TBC1D24: variants seen among roughly 807,000 people sequenced by gnomAD.
TBC1D24 encodes Infantile myoclonic epilepsy.
In TBC1D24, 47 loss-of-function variants were observed where a neutral mutation model predicts 50.7. The observed-to-expected ratio is 0.93, with a 90% CI of 0.73 to 1.18. The LOEUF is 1.18. Ranked by LOEUF, TBC1D24 falls within the 50% of genes most tolerant of loss-of-function variation. The pLI is 0.00. For missense variants in TBC1D24, 688 were observed against 766.5 expected, an observed-to-expected ratio of 0.90 and a Z score of 1.21; for synonymous variants, 324 against 335.2, an observed-to-expected ratio of 0.97 and a Z score of 0.36.
intron 1 of TBC1D24, among the ~76,000 whole-genome samples, chr16:2,476,038 T>C (rs2065565435): frequency 1.3e-5 from 2 of 152,198 alleles, no homozygotes; most frequent in African/African-American, 4.8e-5. Flanking sequence ...TCACTGTCTT[T>C]ACCCAGCAGC....
chr16:2,483,194 G>C lies in TBC1D24; in HGVS notation c.-116+8024G>C, dbSNP rs1397627352. ...TCTTGGGGTAGAGTGGGTGGGACGG[G>C]GCAGCTGTGAGCTGGAGAGGAGAGG... On this transcript the variant is annotated intron_variant, in intron 1 of 7. Transcript: ENST00000646147. The surrounding 1 kb of genome is among the most constrained non-coding windows in gnomAD (Gnocchi z 4.0). 6.6e-6 allele frequency: 1 copy of C among 152,474 alleles called. No homozygotes were observed. Among genetic ancestry groups the C allele is most frequent in the Non-Finnish European group, 1.5e-5 (1 of 68,260 alleles). The allele number at this position is 152,474 out of a possible 1,614,324, so 9.4% of individuals were successfully genotyped here. A position where few individuals can be genotyped will look rare whatever the true frequency, so the allele number is the denominator to read the frequency against.
chr16:2,500,919 C>T lies in TBC1D24; in HGVS notation c.1641C>T (p.Ala547=), dbSNP rs553215090. 60 of 1,612,734 alleles carry T rather than the reference C, an allele frequency of 3.7e-5. No homozygotes were observed. The Admixed American group carries it at 8.0e-4, about 21-fold the overall frequency. ...PLCSENFLIA[A]VEAWGFQDPD... Reference sequence around the variant, plus strand: ...GCTCCGAGAACTTCCTCATTGCTGCCGTGGAGGCCTGGGGCTTCCAGGACC... The same window carrying T: ...GCTCCGAGAACTTCCTCATTGCTGCTGTGGAGGCCTGGGGCTTCCAGGACC... The change falls in exon 8 of 8, where the codon GCC becomes GCT. Residue 547 remains alanine (A), a synonymous_variant. Coordinates refer to ENST00000646147, the MANE Select transcript of TBC1D24 (RefSeq NM_001199107.2). The surrounding 1 kb of genome is among the most constrained non-coding windows in gnomAD (Gnocchi z 8.0).
rs1421865883 is a variant in TBC1D24, at chr16:2,503,177, CG to C, written c.*2221del. Reference sequence around the variant, plus strand: ...CTTCCAGTGATCTGGACCAGGAAGACGGATTGCTGCTGGGTCATGATTTCCA... The same window carrying C: ...CTTCCAGTGATCTGGACCAGGAAGACGATTGCTGCTGGGTCATGATTTCCA... On this transcript the variant is annotated 3_prime_UTR_variant, in exon 8 of 8. Coordinates refer to ENST00000646147, the MANE Select transcript of TBC1D24 (RefSeq NM_001199107.2). 3.9e-5 allele frequency: 6 copies of C among 152,242 alleles called. No homozygotes were observed. Among genetic ancestry groups the C allele is most frequent in the African/African-American group, 1.4e-4 (6 of 41,472 alleles). The allele number at this position is 152,242 out of a possible 1,614,324, so 9.4% of individuals were successfully genotyped here. A position where few individuals can be genotyped will look rare whatever the true frequency, so the allele number is the denominator to read the frequency against.
chr16:2,499,280 C>T lies in TBC1D24; in HGVS notation c.1143-77C>T. 7.3e-7 allele frequency: 1 copy of T among 1,361,038 alleles called. No individual in the cohort carries two copies. The highest frequency in any genetic ancestry group is 1.2e-5 in the South Asian group (1 of 81,972). The allele number at this position is 1,361,038 out of a possible 1,614,324, so 84.3% of individuals were successfully genotyped here. On this transcript the variant is annotated intron_variant, in intron 4 of 7. Coordinates refer to ENST00000646147, the MANE Select transcript of TBC1D24 (RefSeq NM_001199107.2). This position sits in a 1 kb window ranked among gnomAD's most constrained non-coding sequence, Gnocchi z 4.0. Reference sequence around the variant, plus strand: ...TTCCCAGGTCTTCGCCCCAAGACAGCTGGGGCCAGCGGAGGCTGCAGGAGG... The same window carrying T: ...TTCCCAGGTCTTCGCCCCAAGACAGTTGGGGCCAGCGGAGGCTGCAGGAGG...
intron 1 of TBC1D24, among the ~76,000 whole-genome samples, chr16:2,495,002 T>TCACACACACA (rs527454795): frequency 5.1e-5 from 7 of 138,052 alleles, no homozygotes; most frequent in African/African-American, 1.6e-4. Context: ...CAAGACCCCA[T>TCACACACACA]CACACACACA....
In TBC1D24 at chr16:2,497,740, CTG is replaced by C. The variant is rs1064794673; in HGVS notation, c.983+15_983+16del. The C allele has an allele frequency of 3.9e-6, 6 of 1,535,892 alleles. No homozygotes were observed. The Admixed American group carries it at 7.8e-5, about 20-fold the overall frequency. ...CACTTTCTAAAAGGTAGGTCTGAAA[CTG>C]TATCTGCACACCTGGCCTCTGTCTT... On this transcript the variant is annotated intron_variant, in intron 3 of 7. Transcript: ENST00000646147.
chr16:2,500,633 C>A lies in TBC1D24; in HGVS notation c.1525+143C>A. 1 of 1,292,624 alleles carries A rather than the reference C, an allele frequency of 7.7e-7. No homozygotes were observed. Among genetic ancestry groups the A allele is most frequent in the Non-Finnish European group, 1.1e-6 (1 of 950,028 alleles). The allele number at this position is 1,292,624 out of a possible 1,614,324, so 80.1% of individuals were successfully genotyped here. ...ACCAGGCATGATGGGTGGGAGGGGG[C>A]TGGAAGGGAGAGACCAGCCTGGACA... On this transcript the variant is annotated intron_variant, in intron 7 of 7. Coordinates refer to ENST00000646147, the MANE Select transcript of TBC1D24 (RefSeq NM_001199107.2). The surrounding 1 kb of genome is among the most constrained non-coding windows in gnomAD (Gnocchi z 8.0).
rs754558646 is a variant in TBC1D24 at position 2,501,001 on chromosome 16, C to CGAGG, written c.*44_*47dup. The CGAGG allele has an allele frequency of 1.5e-4, 241 of 1,602,058 alleles. No individual in the cohort carries two copies. Among genetic ancestry groups the CGAGG allele is most frequent in the Middle Eastern group, 3.3e-4 (2 of 6,074 alleles). The stretch of plus-strand genomic sequence containing the variant: ...ACTGAGCCGTGGTGGGGCGGTGGGC[C>CGAGG]GAGGCTGGGCTGCCGCCTCGGGCAG... On this transcript the variant is annotated 3_prime_UTR_variant, in exon 8 of 8. Transcript: ENST00000646147.
chr16:2,487,362 T>G lies in TBC1D24; in HGVS notation c.-115-8672T>G, dbSNP rs1886353276. ...GCAGGACGAGGGAGCCGCGGTCGTA[T>G]GCTGCCTCCTCACGTTTGCTGTGAC... On this transcript the variant is annotated intron_variant, in intron 1 of 7. Coordinates refer to ENST00000646147, the MANE Select transcript of TBC1D24 (RefSeq NM_001199107.2). This position sits in a 1 kb window ranked among gnomAD's most constrained non-coding sequence, Gnocchi z 4.1. Among the ~76,000 whole-genome samples the G allele has an allele frequency of 6.6e-6, 1 of 152,244 alleles. No homozygotes were observed. The highest frequency in any genetic ancestry group is 2.4e-5 in the African/African-American group (1 of 41,476).
In TBC1D24 at chr16:2,499,897, C is replaced by T. The variant is rs772874674; in HGVS notation, c.1269C>T (p.Gly423=). 1.2e-6 allele frequency: 2 copies of T among 1,614,090 alleles called. No homozygotes were observed. The highest frequency in any genetic ancestry group is 1.7e-6 in the Non-Finnish European group (2 of 1,179,992). ...SERNKFGGKL[G]FFGTGECFVF... is the part of the protein sequence containing the mutation. ...GAAATAAGTTTGGAGGCAAACTGGG[C>T]TTCTTTGGGACCGGAGAATGCTTTG... The change falls in exon 6 of 8, where the codon GGC becomes GGT. Residue 423 remains glycine (G), a synonymous_variant. Coordinates refer to ENST00000646147, the MANE Select transcript of TBC1D24 (RefSeq NM_001199107.2). The surrounding 1 kb of genome is among the most constrained non-coding windows in gnomAD (Gnocchi z 4.0).
At chr16:2,493,822 T>A (rs1054782999) in intron 1 of TBC1D24, 1 of 152,242 alleles carries the variant, frequency 6.6e-6, no homozygotes, top group Non-Finnish European at 1.5e-5. Context: ...CCACTCCTTT[T>A]ATGTTTGCCT....
chr16:2,484,762 C>A (rs2141857306), intron 1 of TBC1D24: 1 of 152,430 alleles, frequency 6.6e-6, no homozygotes, highest in South Asian at 2.1e-4. Flanking sequence ...GGAGTGTCTG[C>A]ACTTTGGGCC....
chr16:2,487,344 G>T lies in TBC1D24; in HGVS notation c.-115-8690G>T, dbSNP rs529809766. Among the ~76,000 whole-genome samples the T allele has an allele frequency of 4.7e-4, 71 of 152,376 alleles. 2 individuals carry two copies. In the South Asian group the frequency reaches 6.4e-3, roughly 14 times the overall value. On this transcript the variant is annotated intron_variant, in intron 1 of 7. Coordinates refer to ENST00000646147, the MANE Select transcript of TBC1D24 (RefSeq NM_001199107.2). The surrounding 1 kb of genome is among the most constrained non-coding windows in gnomAD (Gnocchi z 4.1). ...TCTGTCATGTGACTAACTGCAGGACGAGGGAGCCGCGGTCGTATGCTGCCT... is the reference window on the plus strand; with the variant it reads ...TCTGTCATGTGACTAACTGCAGGACTAGGGAGCCGCGGTCGTATGCTGCCT...
intron 1 of TBC1D24, among the ~76,000 whole-genome samples, chr16:2,488,563 G>GT (rs1053421906): frequency 6.2e-5 from 8 of 128,698 alleles, no homozygotes; most frequent in African/African-American, 2.4e-4. Flanking sequence ...GGAGTGCAGT[G>GT]TGCAGTGGTG....
In TBC1D24 at chr16:2,496,194, G is replaced by A. The variant is rs535756958; in HGVS notation, c.46G>A (p.Asp16Asn). Reference sequence around the variant, plus strand: ...CTGCTTCGTGGACAAAGACAAGATGGACGCTGCCATCCAGGACCTGGGGCC... The same window carrying A: ...CTGCTTCGTGGACAAAGACAAGATGAACGCTGCCATCCAGGACCTGGGGCC... Reference protein sequence around the residue: ...YNCFVDKDKMDAAIQDLGPKE... With the variant: ...YNCFVDKDKMNAAIQDLGPKE... The change falls in exon 2 of 8, where the codon GAC (aspartate) becomes AAC (asparagine). Residue 16 changes from aspartate (D) to asparagine (N), a missense_variant. By Grantham distance (23) the Asp-to-Asn change is conservative. Coordinates refer to ENST00000646147, the MANE Select transcript of TBC1D24 (RefSeq NM_001199107.2). 6.2e-7 allele frequency: 1 copy of A among 1,613,940 alleles called. No homozygotes were observed. The highest frequency in any genetic ancestry group is 1.1e-5 in the South Asian group (1 of 91,076).
rs1029586988 is a variant in TBC1D24, at chr16:2,485,905, A to G, written c.-115-10129A>G. On this transcript the variant is annotated intron_variant, in intron 1 of 7. Coordinates refer to ENST00000646147, the MANE Select transcript of TBC1D24 (RefSeq NM_001199107.2). This position sits in a 1 kb window ranked among gnomAD's most constrained non-coding sequence, Gnocchi z 4.6. ...CAGCCACCCCCACACCGTCCCTACC[A>G]TTCCCACCTGGCCCGCTGCTGCCTG... is the stretch of plus-strand genomic sequence containing the variant. Among the ~76,000 whole-genome samples the G allele has an allele frequency of 2.1e-4, 32 of 152,072 alleles. No homozygotes were observed. Among genetic ancestry groups the G allele is most frequent in the Non-Finnish European group, 3.8e-4 (26 of 68,004 alleles).
rs2065791883 is a variant in TBC1D24 at position 2,501,264 on chromosome 16, G to A, written c.*306G>A. 2.2e-6 allele frequency: 1 copy of A among 456,734 alleles called. No homozygotes were observed. The highest frequency in any genetic ancestry group is 4.0e-6 in the Non-Finnish European group (1 of 247,852). 28.3% of individuals were successfully genotyped at this position (456,734 alleles called of 1,614,324 possible). ...GAGGCTTCCATAGCCCAAGGCCTTG[G>A]GAGTGTCTGGGTCTTGCTGCCCCTG... On this transcript the variant is annotated 3_prime_UTR_variant, in exon 8 of 8. Coordinates refer to ENST00000646147, the MANE Select transcript of TBC1D24 (RefSeq NM_001199107.2).
At chr16:2,480,566 G>C (rs2065603217) in intron 1 of TBC1D24, 1 of 152,128 alleles carries the variant, frequency 6.6e-6, no homozygotes, top group Admixed American at 6.5e-5. Flanking sequence ...CACACACCGA[G>C]AGAGGTTGTT....
At chr16:2,498,163 C>G in intron 3 of TBC1D24, 75 bp from the exon 4 acceptor site, 1 of 1,531,616 alleles carries the variant, frequency 6.5e-7, no homozygotes, top group Admixed American at 2.0e-5. Flanking sequence ...CAAAGAGGCT[C>G]TGGGGCATAC....
Sources: gnomAD v4.1 joint callset for allele counts (sites outside exome capture counted in the v4.1 genomes callset) on GRCh38, gnomAD v4.1.1 for gene constraint, Gnocchi (gnomAD v3.1) non-coding constraint, MANE v1.5 for transcripts, NCBI Gene and HGNC (gene_info 2026-07-23, HGNC 2026-07-21) for gene names.